The following CACNA1C variants were observed in gnomAD, a reference collection of about 807,000 sequenced individuals.
The protein encoded by CACNA1C is calcium voltage-gated channel subunit alpha1 C, also known as voltage-dependent L-type calcium channel subunit alpha-1C.
A neutral mutation model predicts 229.0 loss-of-function variants in CACNA1C; 30 were observed. The observed-to-expected ratio is 0.13, with a 90% CI of 0.10 to 0.18. CACNA1C has a LOEUF of 0.18. CACNA1C is among the 10% of genes least tolerant of loss of function. The pLI is 1.00. For synonymous variants in CACNA1C, 1,114 were observed against 1,132.5 expected, an observed-to-expected ratio of 0.98 and a Z score of 0.33; for missense variants, 1,658 against 2,845.0, an observed-to-expected ratio of 0.58 and a Z score of 9.49.
chr12:2,570,320 C>G (rs540900102), intron 13 of CACNA1C, among the ~76,000 whole-genome samples: 1 of 152,074 alleles, frequency 6.6e-6, no homozygotes, highest in African/African-American at 2.4e-5. Context: ...TTGCTCAGAG[C>G]GTGTTTCTGA....
chr12:2,224,574 G>A (rs1490387128), intron 3 of CACNA1C, among the ~76,000 whole-genome samples: 1 of 152,194 alleles, frequency 6.6e-6, no homozygotes, highest in Non-Finnish European at 1.5e-5. Flanking sequence ...GAAGAATGGG[G>A]TGGTGGGTCC....
At position 2,601,981 on chromosome 12, in the gene CACNA1C, C is replaced by T. The variant is rs1423988085; in HGVS notation, c.2960+21C>T. On this transcript the variant is annotated intron_variant, in intron 22 of 46. Transcript: ENST00000399655. This position sits in a 1 kb window ranked among gnomAD's most constrained non-coding sequence, Gnocchi z 5.9. The stretch of plus-strand genomic sequence containing the variant: ...ATCCAGTGAGTGGGAGCCCCTCAGC[C>T]CACGATGGGCCATGCAGCTAGCAAG... 3 of 1,461,550 alleles carry T rather than the reference C, an allele frequency of 2.1e-6. No individual in the cohort carries two copies. In the South Asian group the frequency reaches 3.4e-5, roughly 17 times the overall value. The allele number at this position is 1,461,550 out of a possible 1,614,324, so 90.5% of individuals were successfully genotyped here. A position where few individuals can be genotyped will look rare whatever the true frequency, so the allele number is the denominator to read the frequency against.
At chr12:2,440,298 C>G (rs2099208441) in intron 3 of CACNA1C, among the ~76,000 whole-genome samples, 1 of 152,140 alleles carries the variant, frequency 6.6e-6, no homozygotes, top group South Asian at 2.1e-4. Context: ...TTCCCCCAGC[C>G]CCTCGTAACC....
Position 1,982,870 on chromosome 12 carries a change from C to T in CACNA1C, c.139+11669C>T, listed in dbSNP as rs148578252. Among the ~76,000 whole-genome samples, 5 of 152,106 alleles carry T rather than the reference C, an allele frequency of 3.3e-5. No individual in the cohort carries two copies. The East Asian group carries it at 9.6e-4, about 29-fold the overall frequency. ...TTGTATAGAATTGGTATTATTCCTCCCTTGAACATTTGGTAGAATTCACCA... is the reference window on the plus strand; with the variant it reads ...TTGTATAGAATTGGTATTATTCCTCTCTTGAACATTTGGTAGAATTCACCA... On this transcript the variant is annotated intron_variant, in intron 1 of 46. Transcript: ENST00000682462.
At chr12:2,559,136 A>G (rs755390064) in intron 11 of CACNA1C, among the ~76,000 whole-genome samples, 3 of 152,250 alleles carry the variant, frequency 2.0e-5, no homozygotes, top group Non-Finnish European at 2.9e-5. Context: ...CTAATTTGAC[A>G]GTCAAAGCTG....
rs567813497 is a variant in CACNA1C at position 2,523,876 on chromosome 12, T to A, written c.1390+10892T>A. ...CGAAACAGAGCTGCCTACACTACAGTTACCCTTGCCTCCCTCACCCACTCC... is the reference window on the plus strand; with the variant it reads ...CGAAACAGAGCTGCCTACACTACAGATACCCTTGCCTCCCTCACCCACTCC... On this transcript the variant is annotated intron_variant, in intron 9 of 46. Coordinates refer to ENST00000399655, the MANE Select transcript of CACNA1C (RefSeq NM_000719.7). 2.7e-3 allele frequency among the ~76,000 whole-genome samples: 414 copies of A among 152,310 alleles called. 1 individual carries two copies. The highest frequency in any genetic ancestry group is 4.2e-3 in the Admixed American group (65 of 15,308).
intron 1 of CACNA1C, among the ~76,000 whole-genome samples, chr12:2,025,446 C>T (rs1182359786): frequency 6.6e-6 from 1 of 152,124 alleles, no homozygotes; most frequent in Non-Finnish European, 1.5e-5. Flanking sequence ...CGTTCCAGCT[C>T]TGCACTCTCT....
rs565194006 is a variant in CACNA1C, at chr12:2,299,254, T to C, written c.478-149722T>C. On this transcript the variant is annotated intron_variant, in intron 3 of 46. Coordinates refer to ENST00000399655, the MANE Select transcript of CACNA1C (RefSeq NM_000719.7). ...ACCTCCTCCTTTGCTTCACTGGCCC[T>C]CCCTGGACATCAGGGGGTGTGGTTT... 1.4e-3 allele frequency among the ~76,000 whole-genome samples: 210 copies of C among 152,310 alleles called. 1 individual carries two copies. The highest frequency in any genetic ancestry group is 0.014 in the Middle Eastern group (4 of 294).
At chr12:1,993,031 A>G in intron 1 of CACNA1C, 1 of 664,270 alleles carries the variant, frequency 1.5e-6, no homozygotes, top group Non-Finnish European at 2.6e-6. Context: ...TAAAGCTTCA[A>G]AAGACAGGGT....
chr12:2,227,514 A>G (rs1401579631), intron 3 of CACNA1C, among the ~76,000 whole-genome samples: 2 of 152,208 alleles, frequency 1.3e-5, no homozygotes, highest in African/African-American at 4.8e-5. Context: ...GGATGTGCTC[A>G]GCCTGTGGTG....
At chr12:2,511,509 C>T (rs2099783794) in intron 8 of CACNA1C, among the ~76,000 whole-genome samples, 1 of 152,098 alleles carries the variant, frequency 6.6e-6, no homozygotes. Context: ...TGAACTGGGC[C>T]TTCATGGGTG....
intron 4 of CACNA1C, among the ~76,000 whole-genome samples, chr12:2,450,603 A>G (rs991564908): frequency 3.3e-5 from 5 of 150,758 alleles, no homozygotes; most frequent in African/African-American, 1.2e-4. Context: ...TTCCATCAAC[A>G]CATCTGTCTT....
At chr12:2,270,637 CAG>C (rs2084520365) in intron 3 of CACNA1C, among the ~76,000 whole-genome samples, 1 of 152,202 alleles carries the variant, frequency 6.6e-6, no homozygotes, top group Non-Finnish European at 1.5e-5. Flanking sequence ...GACAGGAACT[CAG>C]GAGGCCAGGA....
chr12:2,203,171 A>G (rs2097648925), intron 3 of CACNA1C, among the ~76,000 whole-genome samples: 1 of 152,154 alleles, frequency 6.6e-6, no homozygotes, highest in African/African-American at 2.4e-5. Context: ...AACTATTCAA[A>G]GTATCAGGCC....
chr12:2,690,994 T>C lies in CACNA1C; in HGVS notation c.6212T>C (p.Ile2071Thr), dbSNP rs756403683. 8.1e-6 allele frequency: 13 copies of C among 1,600,818 alleles called. No homozygotes were observed. The highest frequency in any genetic ancestry group is 3.4e-5 in the Admixed American group (2 of 58,226). The change falls in exon 47 of 47, where the codon ATA becomes ACA. Residue 2071 changes from isoleucine to threonine, a missense_variant. By Grantham distance (89) the Ile-to-Thr change is moderately conservative. Around this residue, in one of 20 missense-constraint regions of CACNA1C, gnomAD observed 590 missense variants for 700.8 expected, o/e 0.84. Transcript: ENST00000399655. ...CTGGCCGACGCCTGCGACATGACCA[T>C]AGAGGAGATGGAGAGCGCGGCCGAC... is the stretch of plus-strand genomic sequence containing the variant. ...QELADACDMT[I>T]EEMESAADNI...
At chr12:2,463,057 C>T (rs1055043157) in intron 5 of CACNA1C, among the ~76,000 whole-genome samples, 15 of 150,060 alleles carry the variant, frequency 1.0e-4, no homozygotes, top group African/African-American at 3.2e-4. Flanking sequence ...GGACTATAGG[C>T]ACCCGCCACC....
intron 3 of CACNA1C, among the ~76,000 whole-genome samples, chr12:2,177,380 T>C (rs1284111127): frequency 2.6e-5 from 4 of 152,130 alleles, no homozygotes; most frequent in Non-Finnish European, 5.9e-5. Flanking sequence ...ATACACAGAA[T>C]CCAGTTCAAG....
intron 3 of CACNA1C, among the ~76,000 whole-genome samples, chr12:2,293,542 C>G (rs1420555949): frequency 6.6e-6 from 1 of 152,218 alleles, no homozygotes; most frequent in Middle Eastern, 3.2e-3. Context: ...CATAAACTTT[C>G]ATAAAACAGT....
chr12:2,450,344 G>A (rs1020051697), intron 4 of CACNA1C, among the ~76,000 whole-genome samples: 1 of 152,014 alleles, frequency 6.6e-6, no homozygotes, highest in Middle Eastern at 3.4e-3. Context: ...CACGAGGTCA[G>A]GAGATCGAGA....
Sources: gnomAD v4.1 joint callset for allele counts (sites outside exome capture counted in the v4.1 genomes callset) on GRCh38, gnomAD v4.1.1 for gene constraint, gnomAD v4.1.1 regional missense constraint, Gnocchi (gnomAD v3.1) non-coding constraint, MANE v1.5 for transcripts, NCBI Gene and HGNC (gene_info 2026-07-23, HGNC 2026-07-21) for gene names.